Variants in NMNAT3 observed in about 807,000 individuals in gnomAD.
The protein encoded by NMNAT3 is nicotinamide/nicotinic acid mononucleotide adenylyltransferase 3.
In NMNAT3, 21 loss-of-function variants were observed where a neutral mutation model predicts 24.8. The observed-to-expected ratio is 0.85, with a 90% CI of 0.60 to 1.22. NMNAT3 has a LOEUF of 1.22. Ranked by LOEUF, NMNAT3 falls within the 50% of genes most tolerant of loss-of-function variation. NMNAT3 has a pLI of 0.00. For missense variants in NMNAT3, 387 were observed against 436.6 expected (o/e 0.89, Z 1.01); for synonymous variants, 136 against 155.2 (o/e 0.88, Z 0.92).
chr3:139,660,705 C>A (rs940858101), intron 1 of NMNAT3, among the ~76,000 whole-genome samples: 1 of 152,140 alleles, frequency 6.6e-6, no homozygotes, highest in Non-Finnish European at 1.5e-5. Context: ...TTGGTAAAGT[C>A]CTTGGAAATA....
chr3:139,599,240 G>A (rs2054604800), intron 3 of NMNAT3: 2 of 663,854 alleles, frequency 3.0e-6, no homozygotes, highest in African/African-American at 1.8e-5. Flanking sequence ...AAAGCATTAG[G>A]TAATGCTCAG....
chr3:139,659,824 T>C (rs1243817039), intron 1 of NMNAT3, among the ~76,000 whole-genome samples: 1 of 152,252 alleles, frequency 6.6e-6, no homozygotes, highest in Non-Finnish European at 1.5e-5. Context: ...GATTCTAGCG[T>C]GCAACGCAGG....
At chr3:139,582,700 G>T (rs1339311537) in intron 4 of NMNAT3, among the ~76,000 whole-genome samples, 1 of 144,250 alleles carries the variant, frequency 6.9e-6, no homozygotes, top group Non-Finnish European at 1.5e-5. Context: ...TAAGGGTGAA[G>T]TGTTACAAAG....
At chr3:139,621,229 G>A (rs1372614247) in intron 3 of NMNAT3, among the ~76,000 whole-genome samples, 1 of 152,042 alleles carries the variant, frequency 6.6e-6, no homozygotes, top group African/African-American at 2.4e-5. Flanking sequence ...ATTCTAATAG[G>A]GGTCCAGTGG....
intron 6 of NMNAT3, among the ~76,000 whole-genome samples, chr3:139,561,961 TAA>T (rs1290607909): frequency 1.3e-5 from 2 of 152,118 alleles, no homozygotes; most frequent in Non-Finnish European, 2.9e-5. Flanking sequence ...CAGTTTCCAA[TAA>T]AACAAAGCTC....
intron 4 of NMNAT3, among the ~76,000 whole-genome samples, chr3:139,579,515 T>G (rs1302421410): frequency 6.6e-6 from 1 of 152,196 alleles, no homozygotes; most frequent in Non-Finnish European, 1.5e-5. Context: ...GATGGGATTT[T>G]AGCGTGAACC....
intron 2 of NMNAT3, among the ~76,000 whole-genome samples, chr3:139,629,541 G>A (rs1407297788): frequency 2.0e-5 from 3 of 152,154 alleles, no homozygotes; most frequent in Non-Finnish European, 4.4e-5. Flanking sequence ...CCAATGGGAG[G>A]AATGCATTTA....
intron 3 of NMNAT3, among the ~76,000 whole-genome samples, chr3:139,607,419 C>T (rs892537330): frequency 6.6e-6 from 1 of 152,190 alleles, no homozygotes; most frequent in Non-Finnish European, 1.5e-5. Context: ...CAAAATTGCT[C>T]ATCCACACCC....
At chr3:139,664,646 T>C (rs1289971666) in intron 1 of NMNAT3, among the ~76,000 whole-genome samples, 1 of 152,138 alleles carries the variant, frequency 6.6e-6, no homozygotes, top group African/African-American at 2.4e-5. Flanking sequence ...CTGTGTTGAT[T>C]CCCCAAAACA....
chr3:139,656,238 A>C (rs967848727), intron 1 of NMNAT3, among the ~76,000 whole-genome samples: 32 of 152,346 alleles, frequency 2.1e-4, no homozygotes, highest in African/African-American at 7.5e-4. Context: ...TTGCAGACCT[A>C]TTGGCAGCTT....
intron 4 of NMNAT3, among the ~76,000 whole-genome samples, chr3:139,582,215 G>GA (rs1376284546): frequency 2.4e-4 from 28 of 115,952 alleles, no homozygotes; most frequent in South Asian, 1.7e-3. Context: ...AAAAAAAAAA[G>GA]AAAAAAAAAC....
At chr3:139,582,742 A>T (rs1260206717) in intron 4 of NMNAT3, among the ~76,000 whole-genome samples, 1 of 151,148 alleles carries the variant, frequency 6.6e-6, no homozygotes, top group Non-Finnish European at 1.5e-5. Flanking sequence ...GTCAACAAAA[A>T]ATATATATAA....
intron 1 of NMNAT3, among the ~76,000 whole-genome samples, chr3:139,657,861 G>A (rs1393265438): frequency 7.2e-6 from 1 of 139,086 alleles, no homozygotes; most frequent in Non-Finnish European, 1.6e-5. Flanking sequence ...CTGTGGGAGT[G>A]TGTCATGGGG....
intron 3 of NMNAT3, among the ~76,000 whole-genome samples, chr3:139,612,167 CAAA>C (rs11406804): frequency 2.3e-5 from 3 of 128,154 alleles, no homozygotes; most frequent in Admixed American, 7.8e-5. Flanking sequence ...AACTCCGTCT[CAAA>C]AAAAAAAAAA....
At chr3:139,624,801 G>A (rs1345435481) in intron 3 of NMNAT3, among the ~76,000 whole-genome samples, 3 of 152,160 alleles carry the variant, frequency 2.0e-5, no homozygotes, top group Admixed American at 2.0e-4. Flanking sequence ...TGTTCTGTGT[G>A]CCCTTGGGAA....
chr3:139,659,711 G>A (rs1293878710), intron 1 of NMNAT3, among the ~76,000 whole-genome samples: 1 of 152,174 alleles, frequency 6.6e-6, no homozygotes, highest in African/African-American at 2.4e-5. Flanking sequence ...GAACCAGCTG[G>A]GGAGCTTTAA....
At chr3:139,642,916 G>A (rs1246500987) in intron 1 of NMNAT3, among the ~76,000 whole-genome samples, 1 of 152,054 alleles carries the variant, frequency 6.6e-6, no homozygotes. Flanking sequence ...ATCCTGCTGG[G>A]CCCTCTGCCT....
At chr3:139,677,510 A>T (rs1439258307) in intron 1 of NMNAT3, among the ~76,000 whole-genome samples, 195 bp downstream of exon 1, 1 of 152,170 alleles carries the variant, frequency 6.6e-6, no homozygotes, top group Non-Finnish European at 1.5e-5. Flanking sequence ...TGCAGCGAGA[A>T]CCGCCGGCGC....
At chr3:139,615,866 CTT>C (rs917754115) in intron 3 of NMNAT3, among the ~76,000 whole-genome samples, 1 of 18,716 alleles carries the variant, frequency 5.3e-5, no homozygotes, top group Non-Finnish European at 3.8e-3. Flanking sequence ...TTTCTAGCTT[CTT>C]GTGTGGGAAA....
Sources: allele counts gnomAD v4.1 joint callset (sites outside exome capture counted in the v4.1 genomes callset), GRCh38; gene constraint gnomAD v4.1.1; transcripts MANE v1.5; gene names NCBI Gene and HGNC (gene_info 2026-07-23, HGNC 2026-07-21).